LAMA4: variants seen among roughly 807,000 people sequenced by gnomAD.
The protein encoded by LAMA4 is laminin subunit alpha 4, also known as laminin subunit alpha-4.
LAMA4 carries 127 observed loss-of-function variants against 207.1 expected under a neutral mutation model. The observed-to-expected ratio is 0.61, with a 90% CI of 0.53 to 0.71. The LOEUF is 0.71. Ranked by LOEUF, LAMA4 falls within the 30% of genes least tolerant of loss-of-function variation. The pLI is 0.00. For synonymous variants in LAMA4, 761 were observed against 816.0 expected (o/e 0.93, Z 1.15); for missense variants, 2,093 against 2,246.5 (o/e 0.93, Z 1.38).
intron 35 of LAMA4, among the ~76,000 whole-genome samples, chr6:112,116,598 G>A (rs932904583): frequency 2.6e-5 from 4 of 152,164 alleles, no homozygotes; most frequent in African/African-American, 9.7e-5. Flanking sequence ...AGGAGAAAGA[G>A]CAGAGAAAGT....
At chr6:112,148,706 TA>T (rs1313429183) in intron 17 of LAMA4, among the ~76,000 whole-genome samples, 23 of 91,410 alleles carry the variant, frequency 2.5e-4, no homozygotes, top group Non-Finnish European at 3.6e-4. Context: ...TAAAGAAAGA[TA>T]TTTTTTTAAT....
chr6:112,237,174 C>G (rs1212688274), intron 2 of LAMA4, among the ~76,000 whole-genome samples: 2 of 152,102 alleles, frequency 1.3e-5, no homozygotes, highest in Non-Finnish European at 2.9e-5. Flanking sequence ...TACCGTCAGA[C>G]AGGGAACAGG....
At chr6:112,205,158 C>T (rs1554353841) in intron 4 of LAMA4, among the ~76,000 whole-genome samples, 1 of 152,126 alleles carries the variant, frequency 6.6e-6, no homozygotes, top group African/African-American at 2.4e-5. Context: ...GTAAATATTA[C>T]ATCGAAACAC....
chr6:112,198,956 C>T (rs1189295511), intron 5 of LAMA4, among the ~76,000 whole-genome samples: 1 of 152,184 alleles, frequency 6.6e-6, no homozygotes, highest in Non-Finnish European at 1.5e-5. Flanking sequence ...GGTCAAAGAA[C>T]TTGCCCGGGT....
At chr6:112,250,099 T>A (rs1020774089) in intron 2 of LAMA4, among the ~76,000 whole-genome samples, 6 of 152,168 alleles carry the variant, frequency 3.9e-5, no homozygotes, top group Non-Finnish European at 8.8e-5. Flanking sequence ...GTTGGGTGAA[T>A]AAATGAATGA....
At chr6:112,185,942 G>A (rs797031127) in intron 8 of LAMA4, among the ~76,000 whole-genome samples, 10 of 152,284 alleles carry the variant, frequency 6.6e-5, no homozygotes, top group African/African-American at 2.4e-4. Context: ...GAGAATCTGA[G>A]TGGTTTCAGG....
In LAMA4 at chr6:112,140,037, T is replaced by A. The variant is rs1779598249; in HGVS notation, c.2977-152A>T. The A allele has an allele frequency of 3.9e-6, 3 of 765,368 alleles. No individual in the cohort carries two copies. The Admixed American group carries it at 6.1e-5, about 16-fold the overall frequency. The allele number at this position is 765,368 out of a possible 1,614,324, so 47.4% of individuals were successfully genotyped here. On this transcript the variant is annotated intron_variant, in intron 22 of 38. Transcript: ENST00000230538. ...CCGAGTGTGTTTATGCCAAATCATTTAGATATGGCGTAACTTGTCAGTTGT... is the reference window on the plus strand; with the variant it reads ...CCGAGTGTGTTTATGCCAAATCATTAAGATATGGCGTAACTTGTCAGTTGT...
chr6:112,191,632 G>T lies in LAMA4; in HGVS notation c.718+4C>A. 6.2e-7 allele frequency: 1 copy of T among 1,607,342 alleles called. No individual in the cohort carries two copies. The highest frequency in any genetic ancestry group is 8.5e-7 in the Non-Finnish European group (1 of 1,174,014). On this transcript the variant is annotated splice_donor_region_variant and intron_variant, in intron 6 of 38. Transcript: ENST00000230538. ...CAGCTGGCTTAGTATTTATGATACT[G>T]CACCTGCACAGTTCTTGGCTATCCT...
chr6:112,195,418 T>A (rs1354707884), intron 5 of LAMA4, among the ~76,000 whole-genome samples: 3 of 152,188 alleles, frequency 2.0e-5, no homozygotes, highest in Non-Finnish European at 4.4e-5. Context: ...CAACAGGGTC[T>A]ACGTGTGAAA....
chr6:112,235,530 G>A (rs1337972209), intron 2 of LAMA4, among the ~76,000 whole-genome samples: 2 of 152,056 alleles, frequency 1.3e-5, no homozygotes, highest in Non-Finnish European at 2.9e-5. Context: ...CAATTGTTTT[G>A]GTACATGATA....
chr6:112,190,873 T>C (rs902215158), intron 6 of LAMA4, among the ~76,000 whole-genome samples: 2 of 36,058 alleles, frequency 5.5e-5, no homozygotes, highest in Admixed American at 3.4e-4. Context: ...AGGTTTCTTT[T>C]TCTTTCTTTC....
At chr6:112,158,561 C>CAACA (rs1780862467) in intron 14 of LAMA4, among the ~76,000 whole-genome samples, 171 bp downstream of exon 14, 1 of 151,934 alleles carries the variant, frequency 6.6e-6, no homozygotes, top group African/African-American at 2.4e-5. Context: ...ACCAACCAAC[C>CAACA]AACCAAGCAA....
intron 24 of LAMA4, among the ~76,000 whole-genome samples, chr6:112,138,041 T>G (rs1779459854): frequency 6.6e-6 from 1 of 152,186 alleles, no homozygotes; most frequent in Non-Finnish European, 1.5e-5. Flanking sequence ...TTGCTTTTGT[T>G]GATGGGAACA....
intron 5 of LAMA4, among the ~76,000 whole-genome samples, chr6:112,193,850 C>A (rs1314845597): frequency 6.6e-6 from 1 of 152,162 alleles, no homozygotes; most frequent in African/African-American, 2.4e-5. Flanking sequence ...TCATCCAACA[C>A]AAGGACAATT....
intron 12 of LAMA4, among the ~76,000 whole-genome samples, chr6:112,165,856 T>C (rs1007943155): frequency 6.6e-6 from 1 of 152,228 alleles, no homozygotes; most frequent in Non-Finnish European, 1.5e-5. Context: ...GGAAAGTAAA[T>C]ACTAATACAT....
chr6:112,132,756 T>C lies in LAMA4; in HGVS notation c.3831A>G (p.Ser1277=). The C allele has an allele frequency of 6.2e-7, 1 of 1,612,700 alleles. No homozygotes were observed. The highest frequency in any genetic ancestry group is 2.2e-5 in the East Asian group (1 of 44,816). The change falls in exon 28 of 39, where the codon TCA becomes TCG. Residue 1277 remains serine (S), a synonymous_variant. Transcript: ENST00000230538. ...TCAGAGAAAAACAAACACTTACCCC[T>C]GAAGCATAATAGAATAGTAACCCAT... ...QPNGLLFYYA[S]GSDVFSISLD...
At chr6:112,238,337 T>C (rs1786086510) in intron 2 of LAMA4, among the ~76,000 whole-genome samples, 1 of 152,192 alleles carries the variant, frequency 6.6e-6, no homozygotes, top group Non-Finnish European at 1.5e-5. Context: ...TACTGATCAA[T>C]CGAGTGTCCC....
intron 10 of LAMA4, 120 bp from the exon 11 acceptor site, chr6:112,175,600 CA>C: frequency 2.1e-6 from 2 of 961,232 alleles, no homozygotes; most frequent in Non-Finnish European, 3.3e-6. Context: ...AAGAGAGACT[CA>C]TTCAAAAGCA....
chr6:112,186,848 T>C (rs1487560202), intron 8 of LAMA4: 2 of 455,190 alleles, frequency 4.4e-6, no homozygotes, highest in Non-Finnish European at 8.8e-6. Flanking sequence ...TGTATTACTG[T>C]TTTTGTTTTT....
Sources: gnomAD v4.1 joint callset for allele counts (sites outside exome capture counted in the v4.1 genomes callset) on GRCh38, gnomAD v4.1.1 for gene constraint, MANE v1.5 for transcripts, NCBI Gene and HGNC (gene_info 2026-07-23, HGNC 2026-07-21) for gene names.